Variants in P4HA1 observed in about 807,000 individuals in gnomAD.
The protein encoded by P4HA1 is prolyl 4-hydroxylase subunit alpha-1.
In P4HA1, 24 loss-of-function variants were observed where a neutral mutation model predicts 72.8. The ratio of observed to expected loss-of-function variants is 0.33; its 90% CI spans 0.24 to 0.46. The LOEUF (loss-of-function observed/expected upper bound fraction) is 0.46, where lower values mean the gene tolerates loss of function less well. P4HA1 is among the 20% of genes least tolerant of loss of function. The pLI is 1.00. For missense variants in P4HA1, 446 were observed against 640.6 expected (o/e 0.70, Z 3.28); for synonymous variants, 201 against 218.8 (o/e 0.92, Z 0.72).
chr10:73,040,586 C>T (rs1840708598), intron 9 of P4HA1, among the ~76,000 whole-genome samples: 1 of 151,680 alleles, frequency 6.6e-6, no homozygotes, highest in Admixed American at 6.6e-5. Context: ...AGCCATTCTC[C>T]TGCCTCAGCC....
At chr10:73,030,404 A>G in intron 9 of P4HA1, 34 bp from the exon 10 acceptor site, 1 of 1,140,482 alleles carries the variant, frequency 8.8e-7, no homozygotes, top group Non-Finnish European at 1.3e-6. Flanking sequence ...TTTATTGATA[A>G]TGTTTCATTA....
chr10:73,062,436 CCAACAA>C (rs1188078470), intron 5 of P4HA1, among the ~76,000 whole-genome samples: 1 of 151,800 alleles, frequency 6.6e-6, no homozygotes, highest in Non-Finnish European at 1.5e-5. Flanking sequence ...TATGACTTCT[CCAACAA>C]CATTTCTCTC....
At chr10:73,032,392 C>T (rs1476357882) in intron 9 of P4HA1, among the ~76,000 whole-genome samples, 1 of 152,166 alleles carries the variant, frequency 6.6e-6, no homozygotes, top group African/African-American at 2.4e-5. Flanking sequence ...AATCTAATGA[C>T]ATTTTTCAAT....
At chr10:73,011,584 T>C (rs1839910214) in intron 12 of P4HA1, among the ~76,000 whole-genome samples, 1 of 152,154 alleles carries the variant, frequency 6.6e-6, no homozygotes. Context: ...TAAAGGATTA[T>C]ATAAAGTTAT....
intron 1 of P4HA1, among the ~76,000 whole-genome samples, chr10:73,088,759 G>C (rs1841970681): frequency 6.6e-6 from 1 of 152,208 alleles, no homozygotes; most frequent in Admixed American, 6.5e-5. Context: ...AACTGTTCCA[G>C]ACTATCCTCT....
intron 1 of P4HA1, among the ~76,000 whole-genome samples, chr10:73,080,201 G>A (rs1177000756): frequency 1.3e-5 from 2 of 152,196 alleles, no homozygotes; most frequent in African/African-American, 4.8e-5. Flanking sequence ...TTGGATTTCT[G>A]TCACTTACAA....
chr10:73,092,346 C>CTTTTTTT (rs1157972087), intron 1 of P4HA1, among the ~76,000 whole-genome samples: 4 of 112,366 alleles, frequency 3.6e-5, no homozygotes, highest in Non-Finnish European at 5.6e-5. Context: ...TTTTTCTTTT[C>CTTTTTTT]TTTTTTTTTT....
At chr10:73,095,164 C>T (rs934615398) in intron 1 of P4HA1, among the ~76,000 whole-genome samples, 1 of 147,072 alleles carries the variant, frequency 6.8e-6, no homozygotes, top group African/African-American at 2.5e-5. Context: ...TCTCTTTTCC[C>T]ACATAAAGAA....
At chr10:73,064,079 G>A (rs898398194) in intron 5 of P4HA1, among the ~76,000 whole-genome samples, 4 of 152,148 alleles carry the variant, frequency 2.6e-5, no homozygotes, top group Admixed American at 6.6e-5. Context: ...AAGAGGCATG[G>A]ATGACTGACA....
At chr10:73,083,339 G>A (rs146757830) in intron 1 of P4HA1, among the ~76,000 whole-genome samples, 3 of 152,118 alleles carry the variant, frequency 2.0e-5, no homozygotes, top group Admixed American at 6.5e-5. Context: ...CAGAAATCAC[G>A]CTAGCTTCTT....
At chr10:73,023,808 G>GAAA (rs1229563598) in intron 10 of P4HA1, among the ~76,000 whole-genome samples, 41 of 85,182 alleles carry the variant, frequency 4.8e-4, no homozygotes, top group South Asian at 4.5e-3. Flanking sequence ...CAAATGGAAA[G>GAAA]AAAAAAAAAA....
intron 7 of P4HA1, among the ~76,000 whole-genome samples, chr10:73,050,751 G>A (rs1841000391): frequency 6.6e-6 from 1 of 151,782 alleles, no homozygotes; most frequent in South Asian, 2.1e-4. Context: ...TGTAGCCCAG[G>A]CTGGAGTGCA....
At chr10:73,059,582 A>C (rs996609904) in intron 5 of P4HA1, among the ~76,000 whole-genome samples, 2 of 150,964 alleles carry the variant, frequency 1.3e-5, no homozygotes, top group African/African-American at 4.8e-5. Flanking sequence ...TCTCTACTAA[A>C]AATACAAAAA....
intron 1 of P4HA1, among the ~76,000 whole-genome samples, chr10:73,090,540 T>A (rs975977397): frequency 1.3e-5 from 2 of 152,204 alleles, no homozygotes; most frequent in Non-Finnish European, 2.9e-5. Flanking sequence ...ACTGTAAATA[T>A]ATGCAATTTG....
intron 4 of P4HA1, among the ~76,000 whole-genome samples, chr10:73,070,141 C>CA (rs1564634009): frequency 3.6e-5 from 4 of 112,590 alleles, no homozygotes; most frequent in East Asian, 3.0e-4. Flanking sequence ...AGAGACCAGG[C>CA]CTTTTTTTTT....
chr10:73,021,668 A>G (rs1431401927), intron 10 of P4HA1, among the ~76,000 whole-genome samples: 1 of 152,220 alleles, frequency 6.6e-6, no homozygotes, highest in Non-Finnish European at 1.5e-5. Context: ...ATAGAGAATG[A>G]GCCAAAGCAG....
At chr10:73,028,347 A>C (rs570700727) in intron 10 of P4HA1, among the ~76,000 whole-genome samples, 10 of 139,658 alleles carry the variant, frequency 7.2e-5, no homozygotes, top group South Asian at 2.2e-4. Context: ...CACACACACA[A>C]AATACATTTT....
At chr10:73,053,292 A>G (rs1841060699) in intron 6 of P4HA1, 59 bp downstream of exon 6, 3 of 1,502,924 alleles carry the variant, frequency 2.0e-6, no homozygotes, top group African/African-American at 2.8e-5. Context: ...AGACAGAAAA[A>G]TAGAGAATAT....
chr10:73,027,607 A>C (rs1333595402), intron 10 of P4HA1, among the ~76,000 whole-genome samples: 19 of 113,362 alleles, frequency 1.7e-4, no homozygotes, highest in African/African-American at 5.8e-4. Context: ...AAAAAAAAAA[A>C]GGGAAGGAAG....
Sources: allele counts gnomAD v4.1 joint callset (sites outside exome capture counted in the v4.1 genomes callset), GRCh38; gene constraint gnomAD v4.1.1; transcripts MANE v1.5; gene names NCBI Gene and HGNC (gene_info 2026-07-23, HGNC 2026-07-21).